Variants in RAB14 observed in about 807,000 individuals in gnomAD.
RAB14 encodes the protein ras-related protein Rab-14.
RAB14 carries 3 observed loss-of-function variants against 31.1 expected under a neutral mutation model. The ratio of observed to expected loss-of-function variants is 0.10; its 90% CI spans 0.04 to 0.25. The LOEUF (loss-of-function observed/expected upper bound fraction) is 0.25. Among genes scored for constraint, RAB14 ranks in the 10% least tolerant of loss-of-function variants. The pLI is 1.00. For missense variants in RAB14, 111 were observed against 260.1 expected (o/e 0.43, Z 3.94); for synonymous variants, 85 against 84.9 (o/e 1.00, Z 0.00).
intron 5 of RAB14, among the ~76,000 whole-genome samples, chr9:121,186,184 C>G (rs1376791234): frequency 6.6e-6 from 1 of 152,132 alleles, no homozygotes; most frequent in African/African-American, 2.4e-5. Flanking sequence ...AAACTTCACT[C>G]ACCCCTCAAG....
intron 1 of RAB14, among the ~76,000 whole-genome samples, chr9:121,194,958 C>A (rs1275654431): frequency 6.6e-6 from 1 of 152,128 alleles, no homozygotes; most frequent in Non-Finnish European, 1.5e-5. Flanking sequence ...CATGTTCTAA[C>A]ACATTTATAA....
At position 121,181,264 on chromosome 9, in the gene RAB14, T is replaced by G; in HGVS notation, c.*132A>C. ...CAGTTTAGTATTGTGTTAAACTGTT[T>G]TTACAACAGAGTTTTTTCTTTTTTT... On this transcript the variant is annotated 3_prime_UTR_variant, in exon 8 of 8. Coordinates refer to ENST00000373840, the MANE Select transcript of RAB14 (RefSeq NM_016322.4). 2 of 1,021,504 alleles carry G rather than the reference T, an allele frequency of 2.0e-6. No homozygotes were observed. The highest frequency in any genetic ancestry group is 2.7e-6 in the Non-Finnish European group (2 of 736,500). 63.3% of individuals were successfully genotyped at this position (1,021,504 alleles called of 1,614,324 possible). A position where few individuals can be genotyped will look rare whatever the true frequency, so the allele number is the denominator to read the frequency against.
At chr9:121,201,558 A>G (rs970986327) in intron 1 of RAB14, 81 bp downstream of exon 1, 4 of 152,318 alleles carry the variant, frequency 2.6e-5, no homozygotes, top group Non-Finnish European at 5.9e-5. Flanking sequence ...CCCAGTCTCC[A>G]CCGTCCCCAC....
At chr9:121,182,857 A>C (rs931793186) in intron 7 of RAB14, 73 bp downstream of exon 7, 1 of 1,328,260 alleles carries the variant, frequency 7.5e-7, no homozygotes, top group Non-Finnish European at 1.1e-6. Context: ...TACATTATAT[A>C]CTTTTCATAT....
rs994146428 is a variant in RAB14, at chr9:121,198,950, C to G, written c.-8+2689G>C. ...TAGCCCACCCACTTAAAAAAAAAACCTTACTTTTGACAATATACTTAATGT... is the reference window on the plus strand; with the variant it reads ...TAGCCCACCCACTTAAAAAAAAAACGTTACTTTTGACAATATACTTAATGT... On this transcript the variant is annotated intron_variant, in intron 1 of 7. Coordinates refer to ENST00000373840, the MANE Select transcript of RAB14 (RefSeq NM_016322.4). 3.9e-5 allele frequency among the ~76,000 whole-genome samples: 6 copies of G among 151,998 alleles called. No individual in the cohort carries two copies. The South Asian group carries it at 8.3e-4, about 21-fold the overall frequency.
At chr9:121,192,299 C>T in intron 2 of RAB14, 75 bp from the exon 3 acceptor site, 1 of 1,022,670 alleles carries the variant, frequency 9.8e-7, no homozygotes, top group Non-Finnish European at 1.4e-6. Context: ...TATTCCTTAC[C>T]ATATAACATA....
intron 4 of RAB14, 50 bp from the exon 5 acceptor site, chr9:121,187,069 A>C: frequency 8.7e-7 from 1 of 1,153,180 alleles, no homozygotes; most frequent in Non-Finnish European, 1.2e-6. Context: ...TTATAGAAAA[A>C]AAACTTAAAT....
At chr9:121,199,476 C>G (rs2053739003) in intron 1 of RAB14, among the ~76,000 whole-genome samples, 1 of 152,196 alleles carries the variant, frequency 6.6e-6, no homozygotes, top group African/African-American at 2.4e-5. Context: ...AAACATCTCT[C>G]AATAGCCCAA....
chr9:121,186,932 A>C, intron 5 of RAB14, 21 bp downstream of exon 5: 2 of 1,494,696 alleles, frequency 1.3e-6, no homozygotes, highest in Non-Finnish European at 8.9e-7. Context: ...TTTCTGTGTA[A>C]TAAGATGCCA....
rs576001560 is a variant in RAB14, at chr9:121,184,592, CT to C, written c.352-1195del. Among the ~76,000 whole-genome samples, 5 of 152,242 alleles carry C rather than the reference CT, an allele frequency of 3.3e-5. No homozygotes were observed. The East Asian group carries it at 7.7e-4, about 24-fold the overall frequency. On this transcript the variant is annotated intron_variant, in intron 5 of 7. Transcript: ENST00000373840. Reference sequence around the variant, plus strand: ...AACTAAAAGGCACTTCAGCCATTAACTTTTTTTCATGTAAAATTACAGCTCC... The same window carrying C: ...AACTAAAAGGCACTTCAGCCATTAACTTTTTTCATGTAAAATTACAGCTCC...
At chr9:121,183,990 T>C (rs908680351) in intron 5 of RAB14, among the ~76,000 whole-genome samples, 3 of 152,174 alleles carry the variant, frequency 2.0e-5, no homozygotes, top group African/African-American at 7.2e-5. Flanking sequence ...CTCAAAAAGT[T>C]TGAAAGCCAC....
chr9:121,181,271 CAG>C lies in RAB14; in HGVS notation c.*123_*124del, dbSNP rs2053631673. On this transcript the variant is annotated 3_prime_UTR_variant, in exon 8 of 8. Transcript: ENST00000373840. ...GTATTGTGTTAAACTGTTTTTACAACAGAGTTTTTTCTTTTTTTTTAATTAAA... is the reference window on the plus strand; with the variant it reads ...GTATTGTGTTAAACTGTTTTTACAACAGTTTTTTCTTTTTTTTTAATTAAA... 2 of 1,065,806 alleles carry C rather than the reference CAG, an allele frequency of 1.9e-6. No individual in the cohort carries two copies. Among genetic ancestry groups the C allele is most frequent in the Admixed American group, 2.8e-5 (1 of 36,118 alleles). 66.0% of individuals were successfully genotyped at this position (1,065,806 alleles called of 1,614,324 possible).
At chr9:121,201,292 G>A (rs1416633464) in intron 1 of RAB14, among the ~76,000 whole-genome samples, 7 of 152,180 alleles carry the variant, frequency 4.6e-5, no homozygotes, top group African/African-American at 1.7e-4. Flanking sequence ...CGGCGAGAGG[G>A]GGGCCCGCGG....
chr9:121,190,030 A>G (rs1049746184), intron 4 of RAB14, among the ~76,000 whole-genome samples: 5 of 152,164 alleles, frequency 3.3e-5, no homozygotes, highest in African/African-American at 1.2e-4. Context: ...AACCTACTGC[A>G]TGTAGTATTT....
In RAB14 at chr9:121,199,174, A is replaced by C. The variant is rs1313009048; in HGVS notation, c.-8+2465T>G. 2.0e-5 allele frequency among the ~76,000 whole-genome samples: 3 copies of C among 152,346 alleles called. No individual in the cohort carries two copies. The East Asian group carries it at 5.8e-4, about 29-fold the overall frequency. ...GCTCAAGTTAAAAGGATTAATAGTG[A>C]AAATTTTACTACCGATATTGTGTCT... On this transcript the variant is annotated intron_variant, in intron 1 of 7. Transcript: ENST00000373840.
intron 1 of RAB14, among the ~76,000 whole-genome samples, chr9:121,200,506 A>T (rs1265746285): frequency 2.0e-5 from 3 of 152,216 alleles, no homozygotes; most frequent in Non-Finnish European, 4.4e-5. Context: ...TTCATATATG[A>T]AACTGAAATC....
At position 121,192,223 on chromosome 9, in the gene RAB14, C is replaced by T. The variant is rs778771002; in HGVS notation, c.54G>A (p.Gly18=). Reference sequence around the variant, plus strand: ...AGCAAGATTTTCCTACTCCCATGTCCCCTGTTTAAAAAAAAAGAAGTTTCA... The same window carrying T: ...AGCAAGATTTTCCTACTCCCATGTCTCCTGTTTAAAAAAAAAGAAGTTTCA... ...YSYIFKYIII[G]DMGVGKSCLL... is the part of the protein sequence containing the mutation. The change falls in exon 3 of 8, where the codon GGG becomes GGA. Residue 18 remains glycine (G), a splice_region_variant and synonymous_variant. Coordinates refer to ENST00000373840, the MANE Select transcript of RAB14 (RefSeq NM_016322.4). The T allele has an allele frequency of 1.3e-6, 2 of 1,589,790 alleles. No homozygotes were observed. Among genetic ancestry groups the T allele is most frequent in the East Asian group, 4.5e-5 (2 of 44,210 alleles).
chr9:121,198,378 T>C (rs898523834), intron 1 of RAB14, among the ~76,000 whole-genome samples: 25 of 152,298 alleles, frequency 1.6e-4, no homozygotes, highest in African/African-American at 5.8e-4. Context: ...CACTCAATAG[T>C]AGAGGGCATA....
intron 1 of RAB14, among the ~76,000 whole-genome samples, chr9:121,196,001 A>T (rs937287948): frequency 6.6e-6 from 1 of 152,128 alleles, no homozygotes; most frequent in Non-Finnish European, 1.5e-5. Flanking sequence ...GAAACATACT[A>T]TTGTTAAGGT....
Sources: allele counts gnomAD v4.1 joint callset (sites outside exome capture counted in the v4.1 genomes callset), GRCh38; gene constraint gnomAD v4.1.1; transcripts MANE v1.5; gene names NCBI Gene and HGNC (gene_info 2026-07-23, HGNC 2026-07-21).